HMGA1: variants seen among roughly 807,000 people sequenced by gnomAD.
The protein encoded by HMGA1 is high mobility group AT-hook 1.
A neutral mutation model predicts 15.1 loss-of-function variants in HMGA1; 1 was observed. That is an observed-to-expected ratio of 0.07 (90% CI 0.02 to 0.31). HMGA1 has a LOEUF of 0.31. Ranked by LOEUF, HMGA1 falls within the 10% of genes least tolerant of loss-of-function variation. HMGA1 has a pLI of 1.00. For synonymous variants in HMGA1, 56 were observed against 54.8 expected (o/e 1.02, Z -0.10); for missense variants, 94 against 141.4 (o/e 0.66, Z 1.70).
At chr6:34,244,017 G>A (rs542353485) in intron 5 of HMGA1, among the ~76,000 whole-genome samples, 1 of 152,194 alleles carries the variant, frequency 6.6e-6, no homozygotes, top group Admixed American at 6.5e-5. Context: ...CCAAACAGCT[G>A]GTGGAAAGGC....
At chr6:34,238,473 T>G (rs368010938) in intron 2 of HMGA1, among the ~76,000 whole-genome samples, 13 of 152,218 alleles carry the variant, frequency 8.5e-5, no homozygotes, top group Non-Finnish European at 1.9e-4. Context: ...AACTCAAGGC[T>G]TCTCTGGGCT....
At chr6:34,237,981 A>G (rs906476758) in intron 2 of HMGA1, among the ~76,000 whole-genome samples, 1 of 151,878 alleles carries the variant, frequency 6.6e-6, no homozygotes, top group African/African-American at 2.4e-5. Flanking sequence ...CGCCCCCACA[A>G]ACTGGTTTCG....
Position 34,243,400 on chromosome 6 carries a change from A to G in HMGA1, c.220-68A>G, listed in dbSNP as rs539909387. 4.0e-4 allele frequency: 497 copies of G among 1,230,972 alleles called. 3 individuals are homozygous for G. Among genetic ancestry groups the G allele is most frequent in the South Asian group, 3.6e-3 (293 of 81,326 alleles). The allele number at this position is 1,230,972 out of a possible 1,614,324, so 76.3% of individuals were successfully genotyped here. The stretch of plus-strand genomic sequence containing the variant: ...CAGGCAGGTAGGTCTGCCCCCCATC[A>G]CTATTGGGCATCGGGTGAGCACTGA... On this transcript the variant is annotated intron_variant, in intron 4 of 5. Transcript: ENST00000311487.
At chr6:34,243,700 TG>T (rs1762482725) in intron 5 of HMGA1, among the ~76,000 whole-genome samples, 182 bp downstream of exon 5, 2 of 152,066 alleles carry the variant, frequency 1.3e-5, no homozygotes, top group Admixed American at 1.3e-4. Flanking sequence ...CCATGAGAAG[TG>T]AGGGGTCCCA....
intron 2 of HMGA1, chr6:34,238,646 T>C (rs1762034389): frequency 6.6e-6 from 1 of 152,062 alleles, no homozygotes; most frequent in African/African-American, 2.4e-5. Flanking sequence ...AAGTGAGGGA[T>C]TGGGGTTAGG....
chr6:34,245,460 A>C lies in HMGA1; in HGVS notation c.*576A>C. On this transcript the variant is annotated 3_prime_UTR_variant, in exon 6 of 6. Coordinates refer to ENST00000311487, the MANE Select transcript of HMGA1 (RefSeq NM_145899.3). ...CTGTCTTTGTCACCACGTGGGGCTC[A>C]CTTTTCATCCTTCCCCAACTTCCCT... is the stretch of plus-strand genomic sequence containing the variant. The C allele has an allele frequency of 8.0e-6, 11 of 1,376,472 alleles. No individual in the cohort carries two copies. The highest frequency in any genetic ancestry group is 9.6e-6 in the Non-Finnish European group (10 of 1,037,470). 85.3% of individuals were successfully genotyped at this position (1,376,472 alleles called of 1,614,324 possible).
chr6:34,246,044 T>TG lies in HMGA1; in HGVS notation c.*1164dup, dbSNP rs1378582500. 3 of 257,748 alleles carry TG rather than the reference T, an allele frequency of 1.2e-5. No homozygotes were observed. In the East Asian group the frequency reaches 1.9e-4, roughly 16 times the overall value. 16.0% of individuals were successfully genotyped at this position (257,748 alleles called of 1,614,324 possible). A position where few individuals can be genotyped will look rare whatever the true frequency, so the allele number is the denominator to read the frequency against. On this transcript the variant is annotated 3_prime_UTR_variant, in exon 6 of 6. Coordinates refer to ENST00000311487, the MANE Select transcript of HMGA1 (RefSeq NM_145899.3). ...CCGACTACCCCAGTCCCAGGGAAGGTGGGGCCCTGCCCCTAGGATGCTGCA... is the reference window on the plus strand; with the variant it reads ...CCGACTACCCCAGTCCCAGGGAAGGTGGGGGCCCTGCCCCTAGGATGCTGCA...
intron 4 of HMGA1, 56 bp from the exon 5 acceptor site, chr6:34,243,412 C>T (rs1446983356): frequency 2.0e-5 from 28 of 1,370,374 alleles, no homozygotes; most frequent in African/African-American, 4.3e-5. Flanking sequence ...TATTGGGCAT[C>T]GGGTGAGCAC....
At chr6:34,240,671 G>C in intron 2 of HMGA1, 66 bp from the exon 3 acceptor site, 3 of 1,255,396 alleles carry the variant, frequency 2.4e-6, no homozygotes, top group Non-Finnish European at 3.4e-6. Context: ...TGAAGGTGTG[G>C]GTGATGAGGG....
At chr6:34,244,335 C>T (rs978984574) in intron 5 of HMGA1, among the ~76,000 whole-genome samples, 1 of 152,124 alleles carries the variant, frequency 6.6e-6, no homozygotes, top group Non-Finnish European at 1.5e-5. Flanking sequence ...CCCTTCCTCC[C>T]CACCCCGGCC....
Position 34,244,892 on chromosome 6 carries a change from G to A in HMGA1, c.*8G>A, listed in dbSNP as rs373998742. The A allele has an allele frequency of 5.1e-6, 8 of 1,555,868 alleles. No homozygotes were observed. The highest frequency in any genetic ancestry group is 2.4e-5 in the East Asian group (1 of 41,754). On this transcript the variant is annotated 3_prime_UTR_variant, in exon 6 of 6. Transcript: ENST00000311487. ...TCGGAGGAGGAGCAGTGACCCATGC[G>A]TGCCGCCTGCTCCTCACTGGAGGAG... is the stretch of plus-strand genomic sequence containing the variant.
Position 34,245,145 on chromosome 6 carries a change from C to T in HMGA1, c.*261C>T, listed in dbSNP as rs746261014. On this transcript the variant is annotated 3_prime_UTR_variant, in exon 6 of 6. Transcript: ENST00000311487. ...CCCCCCGCCCACCCACGCATACACA[C>T]ATGCCCTCCTGGACAAGGCTAACAT... 3.4e-6 allele frequency: 5 copies of T among 1,484,748 alleles called. No homozygotes were observed. In the Admixed American group the frequency reaches 6.1e-5, roughly 18 times the overall value. 92.0% of individuals were successfully genotyped at this position (1,484,748 alleles called of 1,614,324 possible).
intron 2 of HMGA1, among the ~76,000 whole-genome samples, chr6:34,240,465 C>G (rs1194218200): frequency 2.0e-5 from 3 of 152,104 alleles, no homozygotes; most frequent in African/African-American, 4.8e-5. Context: ...TGGGACCCCC[C>G]CCACCACGCT....
At chr6:34,241,541 G>A (rs1364793488) in intron 3 of HMGA1, among the ~76,000 whole-genome samples, 3 of 152,296 alleles carry the variant, frequency 2.0e-5, no homozygotes, top group Admixed American at 6.5e-5. Flanking sequence ...GGGAGTTGGT[G>A]GCAGTGACCC....
intron 2 of HMGA1, among the ~76,000 whole-genome samples, chr6:34,240,443 G>A (rs1329936302): frequency 6.6e-6 from 1 of 152,142 alleles, no homozygotes. Context: ...GGTCTGGGCT[G>A]GCTGTACCTC....
chr6:34,243,896 G>T (rs908959116), intron 5 of HMGA1, among the ~76,000 whole-genome samples: 2 of 152,244 alleles, frequency 1.3e-5, no homozygotes, highest in Admixed American at 1.3e-4. Context: ...CTTCCTATGA[G>T]CCTCTGCAGA....
intron 4 of HMGA1, among the ~76,000 whole-genome samples, chr6:34,243,162 C>T (rs1762438621): frequency 1.3e-5 from 2 of 152,136 alleles, no homozygotes; most frequent in South Asian, 4.1e-4. Flanking sequence ...GGACAGGCAG[C>T]AAAGGCCAGA....
At chr6:34,242,004 G>A (rs895046605) in intron 3 of HMGA1, among the ~76,000 whole-genome samples, 1 of 152,178 alleles carries the variant, frequency 6.6e-6, no homozygotes, top group Non-Finnish European at 1.5e-5. Flanking sequence ...GAGGGGTGCA[G>A]GGTTACTGGA....
intron 2 of HMGA1, 184 bp from the exon 3 acceptor site, chr6:34,240,553 C>G (rs945917744): frequency 1.4e-5 from 8 of 560,362 alleles, no homozygotes; most frequent in Non-Finnish European, 2.6e-5. Flanking sequence ...TTAGGGCCAA[C>G]GGCCCTTCCC....
Sources: gnomAD v4.1 joint callset for allele counts (sites outside exome capture counted in the v4.1 genomes callset) on GRCh38, gnomAD v4.1.1 for gene constraint, MANE v1.5 for transcripts, NCBI Gene and HGNC (gene_info 2026-07-23, HGNC 2026-07-21) for gene names.